Variants in DACH2 observed in about 807,000 individuals in gnomAD.
DACH2 encodes dachshund family transcription factor 2.
DACH2 carries 17 observed loss-of-function variants against 35.8 expected under a neutral mutation model. The observed-to-expected ratio is 0.48, with a 90% CI of 0.33 to 0.71. The LOEUF is 0.71. Among genes scored for constraint, DACH2 ranks in the 30% least tolerant of loss-of-function variants. The probability of loss-of-function intolerance (pLI) is 0.02; values close to 1 mark genes in which losing one functional copy is unlikely to be tolerated. For synonymous variants in DACH2, 195 were observed against 177.3 expected, an observed-to-expected ratio of 1.10 and a Z score of -0.79; for missense variants, 469 against 472.7, an observed-to-expected ratio of 0.99 and a Z score of 0.07.
At chrX:86,300,659 C>A (rs1332870636) in intron 1 of DACH2, among the ~76,000 whole-genome samples, 1 of 111,449 alleles carries the variant, frequency 9.0e-6, no homozygotes, top group Non-Finnish European at 1.9e-5. Context: ...ACATTGTGCA[C>A]ATGTACCCTA....
intron 1 of DACH2, among the ~76,000 whole-genome samples, chrX:86,246,736 T>G (rs2033292168): frequency 1.8e-5 from 2 of 111,928 alleles, no homozygotes; most frequent in Non-Finnish European, 3.8e-5. Flanking sequence ...TGCCAAAACA[T>G]ACTTTGACCA....
intron 2 of DACH2, among the ~76,000 whole-genome samples, chrX:86,409,777 C>A (rs2036581697): frequency 1.8e-5 from 2 of 112,033 alleles, no homozygotes; most frequent in African/African-American, 6.5e-5. Context: ...GATCATATAG[C>A]AAATGTAGGA....
Position 86,816,047 on chromosome X carries a change from A to C in DACH2, c.1698A>C (p.Pro566=), listed in dbSNP as rs772383051. ...GLRMLKDTGI[P]DIEIENNGTP... ...CATTTATTTCAGATACTGGAATTCC[A>C]GATATTGAAATAGAAAACAATGGGA... The change falls in exon 11 of 12, where the codon CCA becomes CCC. Residue 566 remains proline, a synonymous_variant. Coordinates refer to ENST00000373125, the MANE Select transcript of DACH2 (RefSeq NM_053281.3). 8.4e-7 allele frequency: 1 copy of C among 1,185,344 alleles called. No individual in the cohort carries two copies. The highest frequency in any genetic ancestry group is 3.1e-5 in the East Asian group (1 of 32,099).
intron 1 of DACH2, among the ~76,000 whole-genome samples, chrX:86,192,317 A>G (rs2031854398): frequency 8.9e-6 from 1 of 112,247 alleles, no homozygotes; most frequent in Non-Finnish European, 1.9e-5. Flanking sequence ...ATTCTTCCAC[A>G]AAACAGTTCC....
chrX:86,232,354 G>A (rs2032967085), intron 1 of DACH2, among the ~76,000 whole-genome samples: 1 of 111,675 alleles, frequency 9.0e-6, no homozygotes. Flanking sequence ...TTGACAAATG[G>A]AATTTAATTA....
chrX:86,585,880 G>A (rs1439453211), intron 3 of DACH2, among the ~76,000 whole-genome samples: 2 of 111,409 alleles, frequency 1.8e-5, no homozygotes, highest in Admixed American at 1.9e-4. Context: ...ATATGTGTGT[G>A]CATGTGTCTA....
intron 2 of DACH2, among the ~76,000 whole-genome samples, chrX:86,478,239 GC>G (rs776723229): frequency 8.9e-6 from 1 of 111,836 alleles, no homozygotes; most frequent in East Asian, 2.8e-4. Flanking sequence ...TCATTAATGT[GC>G]TTTTCTTTCT....
intron 1 of DACH2, among the ~76,000 whole-genome samples, chrX:86,288,685 G>T (rs766730029): frequency 2.4e-4 from 27 of 111,943 alleles, no homozygotes; most frequent in African/African-American, 8.1e-4. Context: ...GGCCCACAGA[G>T]AATATTGCCA....
chrX:86,598,535 G>C (rs947098630), intron 3 of DACH2, among the ~76,000 whole-genome samples: 1 of 111,388 alleles, frequency 9.0e-6, no homozygotes, highest in African/African-American at 3.3e-5. Flanking sequence ...TGCAAGGGTA[G>C]TTTTATAGGG....
chrX:86,159,430 A>C (rs2147861811), intron 1 of DACH2, among the ~76,000 whole-genome samples: 1 of 111,656 alleles, frequency 9.0e-6, no homozygotes, highest in African/African-American at 3.2e-5. Flanking sequence ...TAAACTTCTA[A>C]ATTTATTTTG....
chrX:86,809,784 C>T (rs188238086), intron 7 of DACH2, among the ~76,000 whole-genome samples: 300 of 110,896 alleles, frequency 2.7e-3, no homozygotes, highest in Middle Eastern at 4.6e-3. Context: ...TTATCTCATC[C>T]ATGTTAAAAC....
intron 3 of DACH2, among the ~76,000 whole-genome samples, chrX:86,563,442 C>T (rs928601210): frequency 6.3e-5 from 7 of 110,245 alleles, no homozygotes; most frequent in African/African-American, 2.3e-4. Context: ...AAAACAACAG[C>T]TGTGTATAGA....
At chrX:86,529,995 A>G (rs954145266) in intron 3 of DACH2, among the ~76,000 whole-genome samples, 1 of 109,010 alleles carries the variant, frequency 9.2e-6, no homozygotes, top group Non-Finnish European at 1.9e-5. Flanking sequence ...ACACACACAC[A>G]CACACACACA....
chrX:86,221,213 A>ATCCAT (rs1350760705), intron 1 of DACH2, among the ~76,000 whole-genome samples: 1 of 111,451 alleles, frequency 9.0e-6, no homozygotes, highest in Non-Finnish European at 1.9e-5. Context: ...TAAGTATTTA[A>ATCCAT]TCCATTTTGA....
chrX:86,586,009 A>G lies in DACH2; in HGVS notation c.641-65027A>G, dbSNP rs1312891696. On this transcript the variant is annotated intron_variant, in intron 3 of 11. Transcript: ENST00000373125. ...GATGTACTGCTTTCCACAGTGGTGA[A>G]ACTATTTTAGATTCCCCCAACAATG... Among the ~76,000 whole-genome samples, 10 of 111,486 alleles carry G rather than the reference A, an allele frequency of 9.0e-5. No individual in the cohort carries two copies. The Admixed American group carries it at 9.5e-4, about 11-fold the overall frequency.
At chrX:86,611,841 C>T (rs1245555947) in intron 3 of DACH2, among the ~76,000 whole-genome samples, 3 of 111,269 alleles carry the variant, frequency 2.7e-5, no homozygotes, top group African/African-American at 9.8e-5. Context: ...TTCTTACCCT[C>T]TTCAGTGCCT....
intron 3 of DACH2, among the ~76,000 whole-genome samples, chrX:86,531,910 C>T (rs2038726832): frequency 8.8e-6 from 1 of 113,154 alleles, no homozygotes; most frequent in African/African-American, 3.2e-5. Flanking sequence ...ACTGGTAGAG[C>T]TGCCCAAGTT....
chrX:86,540,312 T>C (rs1454536530), intron 3 of DACH2, among the ~76,000 whole-genome samples: 1 of 111,449 alleles, frequency 9.0e-6, no homozygotes, highest in Non-Finnish European at 1.9e-5. Context: ...GCAGTGGGAA[T>C]ACTATGTGAA....
chrX:86,188,684 G>A (rs1040296607), intron 1 of DACH2, among the ~76,000 whole-genome samples: 1 of 111,992 alleles, frequency 8.9e-6, no homozygotes, highest in Non-Finnish European at 1.9e-5. Flanking sequence ...GACAATGGAA[G>A]CAAGAGGTTG....
Sources: allele counts gnomAD v4.1 joint callset (sites outside exome capture counted in the v4.1 genomes callset), GRCh38; gene constraint gnomAD v4.1.1; transcripts MANE v1.5; gene names NCBI Gene and HGNC (gene_info 2026-07-23, HGNC 2026-07-21).